Variants in ABCA9 observed in about 807,000 individuals in gnomAD.
The protein encoded by ABCA9 is ATP-binding cassette sub-family A member 9.
A neutral mutation model predicts 205.3 loss-of-function variants in ABCA9; 183 were observed. The ratio of observed to expected loss-of-function variants is 0.89; its 90% CI spans 0.79 to 1.01. The LOEUF (loss-of-function observed/expected upper bound fraction) is 1.01. Ranked by LOEUF, ABCA9 falls within the 50% of genes least tolerant of loss-of-function variation. The probability of loss-of-function intolerance (pLI) is 0.00; values close to 1 mark genes in which losing one functional copy is unlikely to be tolerated. For missense variants in ABCA9, 1,805 were observed against 1,912.4 expected, an observed-to-expected ratio of 0.94 and a Z score of 1.05; for synonymous variants, 651 against 683.3, an observed-to-expected ratio of 0.95 and a Z score of 0.74.
intron 1 of ABCA9, among the ~76,000 whole-genome samples, chr17:69,058,828 G>A (rs926545493): frequency 2.7e-4 from 37 of 136,822 alleles, no homozygotes; most frequent in African/African-American, 1.0e-3. Flanking sequence ...GACAGTGTGA[G>A]ACTGTCTCAA....
chr17:69,019,520 T>G (rs187445341), intron 19 of ABCA9, among the ~76,000 whole-genome samples: 153 of 152,298 alleles, frequency 1.0e-3, no homozygotes, highest in African/African-American at 3.5e-3. Context: ...CTTTCTATTT[T>G]GACATAATCT....
chr17:69,066,632 G>T, the ABCA9 span, among the ~76,000 whole-genome samples: 13 of 151,162 alleles, frequency 8.6e-5, no homozygotes, highest in Non-Finnish European at 1.8e-4. Flanking sequence ...TCTGTCACAA[G>T]AAAAAAAGGA....
chr17:69,035,039 C>T, intron 8 of ABCA9: 1 of 372,074 alleles, frequency 2.7e-6, no homozygotes, highest in South Asian at 1.4e-4. Flanking sequence ...TGAAACATCT[C>T]AATAATAAGG....
intron 22 of ABCA9, among the ~76,000 whole-genome samples, chr17:69,012,780 T>G (rs1220621341): frequency 6.6e-6 from 1 of 152,106 alleles, no homozygotes; most frequent in African/African-American, 2.4e-5. Flanking sequence ...TATGATTAAA[T>G]TATTATTGAC....
chr17:69,045,560 A>C (rs1225167037), intron 3 of ABCA9, among the ~76,000 whole-genome samples: 1 of 152,100 alleles, frequency 6.6e-6, no homozygotes, highest in Non-Finnish European at 1.5e-5. Flanking sequence ...ACCCTTCCAA[A>C]TAAATCATTT....
intron 25 of ABCA9, among the ~76,000 whole-genome samples, chr17:69,001,621 G>T (rs2069873876): frequency 2.0e-5 from 3 of 151,864 alleles, no homozygotes; most frequent in African/African-American, 7.3e-5. Context: ...TCAGAATGAT[G>T]CTGGCCTCAT....
intron 19 of ABCA9, among the ~76,000 whole-genome samples, chr17:69,018,829 G>T (rs2070724264): frequency 6.6e-6 from 1 of 151,992 alleles, no homozygotes; most frequent in South Asian, 2.1e-4. Flanking sequence ...TGTGGATTAT[G>T]ACTCTTAAAT....
chr17:69,010,577 G>T (rs966359385), intron 23 of ABCA9, among the ~76,000 whole-genome samples: 51 of 152,198 alleles, frequency 3.4e-4, no homozygotes, highest in African/African-American at 1.2e-3. Context: ...AAACTGCCGG[G>T]GTTGTTAAAT....
intron 37 of ABCA9, among the ~76,000 whole-genome samples, chr17:68,981,682 A>G (rs996981002): frequency 1.3e-5 from 2 of 152,006 alleles, no homozygotes; most frequent in Non-Finnish European, 2.9e-5. Flanking sequence ...TCTACTAAAA[A>G]TACAAAAATT....
At chr17:69,053,859 T>C (rs2071985030) in intron 1 of ABCA9, among the ~76,000 whole-genome samples, 1 of 151,908 alleles carries the variant, frequency 6.6e-6, no homozygotes. Context: ...GAATATTTGC[T>C]CAAACAACTA....
At position 68,995,985 on chromosome 17, in the gene ABCA9, A is replaced by T; in HGVS notation, c.3465T>A (p.Asp1155Glu). ...IVVIFSIVAT[D>E]LNEYGFLGLF... ...GCCCTAGAAATCCATATTCATTTAG[A>T]TCAGTAGCAACTATCGAGAAGATGA... Residue 1155 changes from aspartate (D) to glutamate (E), a missense_variant, in exon 26 of 39, where the codon GAT (aspartate) becomes GAA (glutamate). By Grantham distance (45) the Asp-to-Glu change is conservative. Coordinates refer to ENST00000340001, the MANE Select transcript of ABCA9 (RefSeq NM_080283.4). The T allele has an allele frequency of 6.2e-7, 1 of 1,613,744 alleles. No individual in the cohort carries two copies. The highest frequency in any genetic ancestry group is 8.5e-7 in the Non-Finnish European group (1 of 1,179,896).
chr17:69,065,335 TTATC>T, upstream of ABCA9, among the ~76,000 whole-genome samples: 1 of 152,268 alleles, frequency 6.6e-6, no homozygotes, highest in East Asian at 1.9e-4. Flanking sequence ...TATCCTTTGC[TTATC>T]TGCCATCTTG....
intron 10 of ABCA9, among the ~76,000 whole-genome samples, chr17:69,030,052 A>C (rs1448689731): frequency 3.3e-5 from 5 of 152,202 alleles, no homozygotes; most frequent in Non-Finnish European, 7.3e-5. Flanking sequence ...GTTAAAAAGA[A>C]GAAAAAAGAT....
chr17:68,976,507 C>T (rs1364004589), intron 37 of ABCA9, among the ~76,000 whole-genome samples: 1 of 152,188 alleles, frequency 6.6e-6, no homozygotes, highest in Admixed American at 6.5e-5. Flanking sequence ...TGTACCAGCC[C>T]TCATTCTTGT....
At chr17:68,999,319 T>A (rs1373647606) in intron 25 of ABCA9, among the ~76,000 whole-genome samples, 20 of 127,322 alleles carry the variant, frequency 1.6e-4, no homozygotes, top group African/African-American at 5.9e-4. Flanking sequence ...ATGTTCCCCT[T>A]CCTGTGTCCA....
the ABCA9 span, among the ~76,000 whole-genome samples, chr17:69,072,049 A>C: frequency 6.6e-6 from 1 of 152,174 alleles, no homozygotes; most frequent in Non-Finnish European, 1.5e-5. Context: ...TTAGAGAAAA[A>C]AGAATAGAAA....
chr17:69,072,434 A>C, the ABCA9 span, among the ~76,000 whole-genome samples: 15 of 152,166 alleles, frequency 9.9e-5, no homozygotes, highest in Non-Finnish European at 1.6e-4. Flanking sequence ...AGAGTGGGGG[A>C]CAATATTCAA....
rs1567908642 is a variant in ABCA9 at position 68,979,505 on chromosome 17, G to T, written c.4720+3057C>A. ...ATCCTAGTCCAAAAGAACAAAACTG[G>T]AGGCATCATGCTACCTGACTTCAAA... On this transcript the variant is annotated intron_variant, in intron 37 of 38. Coordinates refer to ENST00000340001, the MANE Select transcript of ABCA9 (RefSeq NM_080283.4). Among the ~76,000 whole-genome samples, 3 of 150,240 alleles carry T rather than the reference G, an allele frequency of 2.0e-5. 1 individual carries two copies. The highest frequency in any genetic ancestry group is 5.0e-5 in the African/African-American group (2 of 39,672).
At chr17:69,060,939 C>G, upstream of ABCA9, 1 of 985,432 alleles carries the variant, frequency 1.0e-6, no homozygotes, top group African/African-American at 1.7e-5. Context: ...GAGGAGAATT[C>G]ACATTCCTTT....
Sources: allele counts gnomAD v4.1 joint callset (sites outside exome capture counted in the v4.1 genomes callset), GRCh38; gene constraint gnomAD v4.1.1; transcripts MANE v1.5; gene names NCBI Gene and HGNC (gene_info 2026-07-23, HGNC 2026-07-21).